TBC1D4: variants seen among roughly 807,000 people sequenced by gnomAD.
The protein encoded by TBC1D4 is TBC1 domain family member 4.
Under a neutral mutation model 142.5 loss-of-function variants are expected in TBC1D4, and 121 were observed. That is an observed-to-expected ratio of 0.85 (90% CI 0.73 to 0.99). The LOEUF is 0.99. Among genes scored for constraint, TBC1D4 ranks in the 50% least tolerant of loss-of-function variants. The pLI is 0.00. For synonymous variants in TBC1D4, 630 were observed against 628.2 expected, an observed-to-expected ratio of 1.00 and a Z score of -0.04; for missense variants, 1,475 against 1,606.6, an observed-to-expected ratio of 0.92 and a Z score of 1.40.
chr13:75,374,545 T>G (rs1883394864), intron 1 of TBC1D4, among the ~76,000 whole-genome samples: 1 of 152,172 alleles, frequency 6.6e-6, no homozygotes, highest in Non-Finnish European at 1.5e-5. Context: ...AAAAGATTAA[T>G]GATTACAGCA....
intron 1 of TBC1D4, among the ~76,000 whole-genome samples, chr13:75,457,685 A>C (rs917790553): frequency 1.3e-5 from 2 of 152,218 alleles, no homozygotes; most frequent in African/African-American, 2.4e-5. Flanking sequence ...CAAACTGCCT[A>C]ATCACAAGAA....
At chr13:75,360,662 G>A (rs1241243705) in intron 2 of TBC1D4, among the ~76,000 whole-genome samples, 2 of 152,066 alleles carry the variant, frequency 1.3e-5, no homozygotes, top group Admixed American at 6.5e-5. Context: ...CAAATCTGAT[G>A]CCTTCATGAT....
At position 75,345,524 on chromosome 13, in the gene TBC1D4, C is replaced by T. The variant is rs570151142; in HGVS notation, c.1408+3646G>A. 2.4e-4 allele frequency among the ~76,000 whole-genome samples: 36 copies of T among 152,156 alleles called. No individual in the cohort carries two copies. In the South Asian group the frequency reaches 2.5e-3, roughly 11 times the overall value. ...TGCATAAAGCTTAAGTTTCAGAGTC[C>T]CTTCGAGATTTTGGGAAGGGCCCTA... is the stretch of plus-strand genomic sequence containing the variant. On this transcript the variant is annotated intron_variant, in intron 5 of 20. Transcript: ENST00000377636.
chr13:75,391,956 C>T (rs1038739043), intron 1 of TBC1D4, among the ~76,000 whole-genome samples: 3 of 152,154 alleles, frequency 2.0e-5, no homozygotes, highest in Non-Finnish European at 4.4e-5. Flanking sequence ...CCCTCTCTCT[C>T]GCTTTCTCTC....
chr13:75,321,052 A>AG, intron 11 of TBC1D4, among the ~76,000 whole-genome samples: 1 of 151,916 alleles, frequency 6.6e-6, no homozygotes, highest in East Asian at 1.9e-4. Flanking sequence ...AAAAAAAAAA[A>AG]AAGTAATGGT....
rs1566367016 is a variant in TBC1D4 at position 75,312,786 on chromosome 13, T to C, written c.2335A>G (p.Arg779Gly). The C allele has an allele frequency of 6.2e-7, 1 of 1,614,174 alleles. No individual in the cohort carries two copies. Among genetic ancestry groups the C allele is most frequent in the Non-Finnish European group, 8.5e-7 (1 of 1,180,030 alleles). Residue 779 changes from arginine to glycine, a missense_variant, in exon 13 of 21, where the codon AGG becomes GGG. Transcript: ENST00000377636. ...RISWRQRIFL[R>G]VASPMNKSPS... is the part of the protein sequence containing the mutation. ...GATTTGTTCATGGGAGAAGCAACCCTGAGGAAAATGCGCTGCCGCCAGGAG... is the reference window on the plus strand; with the variant it reads ...GATTTGTTCATGGGAGAAGCAACCCCGAGGAAAATGCGCTGCCGCCAGGAG...
intron 1 of TBC1D4, among the ~76,000 whole-genome samples, chr13:75,433,263 C>G (rs1225366612): frequency 6.6e-6 from 1 of 152,200 alleles, no homozygotes; most frequent in African/African-American, 2.4e-5. Flanking sequence ...ACAGAGGAAG[C>G]TGCCCTGTCC....
chr13:75,357,254 A>G (rs1038840808), intron 3 of TBC1D4, among the ~76,000 whole-genome samples: 2 of 152,230 alleles, frequency 1.3e-5, no homozygotes, highest in Non-Finnish European at 2.9e-5. Flanking sequence ...ATGGAAATAG[A>G]AAAAGGAAAT....
intron 1 of TBC1D4, among the ~76,000 whole-genome samples, chr13:75,452,624 C>T (rs1202267361): frequency 6.6e-6 from 1 of 152,180 alleles, no homozygotes; most frequent in African/African-American, 2.4e-5. Flanking sequence ...AACCCACATT[C>T]CATTGCATAA....
intron 2 of TBC1D4, among the ~76,000 whole-genome samples, chr13:75,361,435 C>G (rs900084810): frequency 1.3e-5 from 2 of 152,160 alleles, no homozygotes; most frequent in African/African-American, 4.8e-5. Context: ...GGCTCGAGTG[C>G]AGGGGGTCAA....
rs1371431363 is a variant in TBC1D4, at chr13:75,362,403, G to A, written c.703C>T (p.Gln235Ter). 1.2e-6 allele frequency: 2 copies of A among 1,614,240 alleles called. No homozygotes were observed. The highest frequency in any genetic ancestry group is 2.2e-5 in the South Asian group (2 of 91,080). ...CMEKFSLHEQ[Q>*]RLKIQGEQRG... ...TGCTCCCCTTGGATCTTCAGGCGCTGCTGTTCGTGCAGGCTGAACTTCTCC... is the reference window on the plus strand; with the variant it reads ...TGCTCCCCTTGGATCTTCAGGCGCTACTGTTCGTGCAGGCTGAACTTCTCC... Residue 235 changes from glutamine (Q) to a stop codon, truncating the protein, a stop_gained, in exon 2 of 21, where the codon CAG (glutamine) becomes TAG (stop). Transcript: ENST00000377636. LOFTEE classifies it high-confidence loss of function. The surrounding 1 kb of genome is among the most constrained non-coding windows in gnomAD (Gnocchi z 4.2).
intron 7 of TBC1D4, among the ~76,000 whole-genome samples, chr13:75,339,807 C>T (rs901171325): frequency 2.6e-5 from 4 of 152,068 alleles, no homozygotes; most frequent in Non-Finnish European, 4.4e-5. Flanking sequence ...CTCCTGACCT[C>T]GTGATTCACC....
intron 19 of TBC1D4, 59 bp downstream of exon 19, chr13:75,292,043 T>A: frequency 7.1e-7 from 1 of 1,417,306 alleles, no homozygotes; most frequent in South Asian, 1.3e-5. Context: ...GGCTAAAGCA[T>A]TTAATATATA....
chr13:75,291,138 C>A (rs1474085268), intron 19 of TBC1D4, among the ~76,000 whole-genome samples: 1 of 152,186 alleles, frequency 6.6e-6, no homozygotes, highest in Non-Finnish European at 1.5e-5. Flanking sequence ...CAGATCAATT[C>A]TCTGCCCTCA....
intron 1 of TBC1D4, among the ~76,000 whole-genome samples, chr13:75,433,398 C>T (rs1886667475): frequency 6.6e-6 from 1 of 152,020 alleles, no homozygotes; most frequent in Non-Finnish European, 1.5e-5. Context: ...GATTCCTGCC[C>T]TAATATATCT....
chr13:75,339,898 T>C (rs1261288816), intron 7 of TBC1D4, among the ~76,000 whole-genome samples: 3 of 152,252 alleles, frequency 2.0e-5, no homozygotes, highest in Non-Finnish European at 4.4e-5. Flanking sequence ...TCAACTGTTC[T>C]GACAGCAAAG....
At chr13:75,389,384 A>G (rs573633079) in intron 1 of TBC1D4, among the ~76,000 whole-genome samples, 1 of 152,334 alleles carries the variant, frequency 6.6e-6, no homozygotes, top group South Asian at 2.1e-4. Context: ...GTTTCAGATT[A>G]AAGTTAGGCC....
intron 5 of TBC1D4, among the ~76,000 whole-genome samples, chr13:75,342,029 C>A (rs1023442912): frequency 5.3e-5 from 8 of 152,118 alleles, no homozygotes; most frequent in Admixed American, 2.0e-4. Flanking sequence ...TACACCCTGT[C>A]TCTACTAAAA....
At chr13:75,289,327 A>C (rs1328373730) in intron 19 of TBC1D4, among the ~76,000 whole-genome samples, 1 of 152,198 alleles carries the variant, frequency 6.6e-6, no homozygotes, top group Non-Finnish European at 1.5e-5. Flanking sequence ...TCTGTGAAAG[A>C]AGATTTTCTT....
Sources: allele counts gnomAD v4.1 joint callset (sites outside exome capture counted in the v4.1 genomes callset), GRCh38; gene constraint gnomAD v4.1.1; non-coding constraint Gnocchi (gnomAD v3.1); transcripts MANE v1.5; gene names NCBI Gene and HGNC (gene_info 2026-07-23, HGNC 2026-07-21).